VAMP7: variants seen among roughly 807,000 people sequenced by gnomAD.
VAMP7 encodes vesicle associated membrane protein 7.
VAMP7 carries 14 observed loss-of-function variants against 29.6 expected under a neutral mutation model. That is an observed-to-expected ratio of 0.47 (90% confidence interval 0.31 to 0.74). The LOEUF (loss-of-function observed/expected upper bound fraction) is 0.74, where lower values mean the gene tolerates loss of function less well. Ranked by LOEUF, VAMP7 falls within the 30% of genes least tolerant of loss-of-function variation. The pLI, the probability that VAMP7 is intolerant of heterozygous loss-of-function variation, is 0.05. For missense variants in VAMP7, 223 were observed against 262.4 expected, an observed-to-expected ratio of 0.85 and a Z score of 1.04; for synonymous variants, 95 against 88.1, an observed-to-expected ratio of 1.08 and a Z score of -0.44.
At chrX:155,900,651 C>A in intron 5 of VAMP7, 64 bp downstream of exon 5, 2 of 1,431,010 alleles carry the variant, frequency 1.4e-6, no homozygotes, top group Non-Finnish European at 1.9e-6. Flanking sequence ...TGACTGGGGT[C>A]AAATTATTCT....
intron 6 of VAMP7, among the ~76,000 whole-genome samples, chrX:155,927,347 A>G (rs1311329021): frequency 6.6e-6 from 1 of 151,530 alleles, no homozygotes; most frequent in Non-Finnish European, 1.5e-5. Context: ...CTGCACATGT[A>G]TCCTAGAACT....
At chrX:155,928,411 G>A (rs1189891196) in intron 6 of VAMP7, among the ~76,000 whole-genome samples, 4 of 152,166 alleles carry the variant, frequency 2.6e-5, no homozygotes, top group Non-Finnish European at 4.4e-5. Context: ...AAATTAAGGT[G>A]TTAGCAAGGC....
rs182299133 is a variant in VAMP7, at chrX:155,889,869, T to C, written c.146+257T>C. 2.8e-3 allele frequency among the ~76,000 whole-genome samples: 281 copies of C among 99,002 alleles called. 1 individual carries two copies. The highest frequency in any genetic ancestry group is 0.011 in the African/African-American group (274 of 24,832). The allele number at this position is 99,002 out of a possible 152,430, so 64.9% of individuals were successfully genotyped here. On this transcript the variant is annotated intron_variant, in intron 2 of 7. Coordinates refer to ENST00000286448, the MANE Select transcript of VAMP7 (RefSeq NM_005638.6). Reference sequence around the variant, plus strand: ...GTTAAATGTAAAAATGACTTTGCTCTAGAGCTGTGTGATATGTGAAAATAA... The same window carrying C: ...GTTAAATGTAAAAATGACTTTGCTCCAGAGCTGTGTGATATGTGAAAATAA...
intron 6 of VAMP7, among the ~76,000 whole-genome samples, chrX:155,929,276 G>T (rs1257064363): frequency 6.6e-6 from 1 of 152,088 alleles, no homozygotes; most frequent in Non-Finnish European, 1.5e-5. Context: ...GTTACAAGTA[G>T]GTTTTTAAAG....
chrX:155,901,584 A>G (rs993132961), intron 5 of VAMP7, among the ~76,000 whole-genome samples: 12 of 152,234 alleles, frequency 7.9e-5, no homozygotes, highest in African/African-American at 2.6e-4. Flanking sequence ...TCAGCTTTCT[A>G]CATATGGCTA....
At chrX:155,934,083 G>A (rs1201127659) in intron 6 of VAMP7, among the ~76,000 whole-genome samples, 7 of 152,160 alleles carry the variant, frequency 4.6e-5, no homozygotes, top group African/African-American at 1.4e-4. Flanking sequence ...TATAATTTCT[G>A]TTCTTTTACA....
At chrX:155,931,412 G>A (rs2066552695) in intron 6 of VAMP7, among the ~76,000 whole-genome samples, 1 of 152,148 alleles carries the variant, frequency 6.6e-6, no homozygotes, top group Non-Finnish European at 1.5e-5. Flanking sequence ...TCTAACTGGT[G>A]TGAGATGGTA....
At chrX:155,887,195 A>G (rs747577823) in intron 1 of VAMP7, among the ~76,000 whole-genome samples, 415 of 149,138 alleles carry the variant, frequency 2.8e-3, no homozygotes, top group African/African-American at 9.7e-3. Flanking sequence ...CTTTCCCTCA[A>G]CTGTTGGTTG....
intron 4 of VAMP7, among the ~76,000 whole-genome samples, chrX:155,899,565 C>T (rs191454033): frequency 5.3e-5 from 8 of 152,112 alleles, no homozygotes; most frequent in Admixed American, 5.2e-4. Flanking sequence ...CACGCACACA[C>T]ATACTCTTCT....
intron 5 of VAMP7, among the ~76,000 whole-genome samples, chrX:155,916,331 A>G (rs2066312767): frequency 6.6e-6 from 1 of 152,070 alleles, no homozygotes; most frequent in Non-Finnish European, 1.5e-5. Context: ...TGTGTCTTTT[A>G]TTTGGGGCAT....
At chrX:155,925,401 G>A (rs1279145045) in intron 6 of VAMP7, among the ~76,000 whole-genome samples, 1 of 152,184 alleles carries the variant, frequency 6.6e-6, no homozygotes, top group African/African-American at 2.4e-5. Context: ...CAGAATGGAT[G>A]TTGTATTAGC....
At chrX:155,888,925 G>A (rs1229562975) in intron 1 of VAMP7, among the ~76,000 whole-genome samples, 1 of 152,126 alleles carries the variant, frequency 6.6e-6, no homozygotes, top group Non-Finnish European at 1.5e-5. Flanking sequence ...TAATCTCATT[G>A]AGTTGTGAGG....
At chrX:155,920,249 T>C (rs2066376303) in intron 6 of VAMP7, among the ~76,000 whole-genome samples, 1 of 152,212 alleles carries the variant, frequency 6.6e-6, no homozygotes, top group Non-Finnish European at 1.5e-5. Flanking sequence ...AGTATGAATC[T>C]TGAAAACTGG....
At chrX:155,918,568 C>CCCGACCCCTTG (rs2066346989) in intron 5 of VAMP7, among the ~76,000 whole-genome samples, 1 of 152,124 alleles carries the variant, frequency 6.6e-6, no homozygotes, top group Non-Finnish European at 1.5e-5. Context: ...GAGGGAGTTC[C>CCCGACCCCTTG]CCGACCCCTT....
chrX:155,942,480 G>T lies in VAMP7; in HGVS notation c.*529G>T. ...CCTTCTAAGAGCTCAGACAAGTAAA[G>T]TATGAAACATTCTTATTTCAGTTAG... On this transcript the variant is annotated 3_prime_UTR_variant, in exon 8 of 8. Transcript: ENST00000286448. 1 of 278,358 alleles carries T rather than the reference G, an allele frequency of 3.6e-6. No homozygotes were observed. Among genetic ancestry groups the T allele is most frequent in the South Asian group, 7.0e-5 (1 of 14,324 alleles). The allele number at this position is 278,358 out of a possible 1,614,324, so 17.2% of individuals were successfully genotyped here.
rs1255972553 is a variant in VAMP7 at position 155,943,745 on chromosome X, A to G, written c.*1794A>G. 6.6e-6 allele frequency: 1 copy of G among 152,178 alleles called. No individual in the cohort carries two copies. The highest frequency in any genetic ancestry group is 1.9e-4 in the East Asian group (1 of 5,194). 9.4% of individuals were successfully genotyped at this position (152,178 alleles called of 1,614,324 possible). ...AATGACGCACAAACTGAAGATGTTA[A>G]TAAAATTTAAGAGTAATACAATGAT... On this transcript the variant is annotated 3_prime_UTR_variant, in exon 8 of 8. Coordinates refer to ENST00000286448, the MANE Select transcript of VAMP7 (RefSeq NM_005638.6).
At chrX:155,914,808 T>G (rs2066287601) in intron 5 of VAMP7, among the ~76,000 whole-genome samples, 1 of 152,186 alleles carries the variant, frequency 6.6e-6, no homozygotes, top group Non-Finnish European at 1.5e-5. Flanking sequence ...ATCAGGGATA[T>G]TGGCCTGAAA....
intron 6 of VAMP7, among the ~76,000 whole-genome samples, chrX:155,938,243 T>C (rs770703181): frequency 6.5e-4 from 99 of 152,324 alleles, no homozygotes; most frequent in African/African-American, 2.3e-3. Flanking sequence ...TCAAAAGTTC[T>C]AGTCAATGCA....
At chrX:155,939,004 G>T (rs1219645989) in intron 6 of VAMP7, among the ~76,000 whole-genome samples, 2 of 152,118 alleles carry the variant, frequency 1.3e-5, no homozygotes, top group African/African-American at 4.8e-5. Context: ...ATGGGCATTT[G>T]GGTGGTTTCC....
Sources: allele counts gnomAD v4.1 joint callset (sites outside exome capture counted in the v4.1 genomes callset), GRCh38; gene constraint gnomAD v4.1.1; transcripts MANE v1.5; gene names NCBI Gene and HGNC (gene_info 2026-07-23, HGNC 2026-07-21).